SOX5: variants seen among roughly 807,000 people sequenced by gnomAD.
SOX5 encodes the protein SRY-box transcription factor 5.
A neutral mutation model predicts 92.0 loss-of-function variants in SOX5; 9 were observed. The observed-to-expected ratio is 0.10, with a 90% CI of 0.06 to 0.17. The LOEUF is 0.17. SOX5 is among the 10% of genes least tolerant of loss of function. The probability of loss-of-function intolerance (pLI) is 1.00; values close to 1 mark genes in which losing one functional copy is unlikely to be tolerated. For synonymous variants in SOX5, 344 were observed against 336.3 expected, an observed-to-expected ratio of 1.02 and a Z score of -0.25; for missense variants, 642 against 944.5, an observed-to-expected ratio of 0.68 and a Z score of 4.20.
chr12:23,717,121 T>C (rs2092550029), intron 6 of SOX5, among the ~76,000 whole-genome samples: 1 of 152,198 alleles, frequency 6.6e-6, no homozygotes, highest in Non-Finnish European at 1.5e-5. Context: ...ATTGACTTTC[T>C]CCCACAGGAT....
chr12:23,740,175 A>G (rs2093745048), intron 5 of SOX5, among the ~76,000 whole-genome samples: 2 of 152,142 alleles, frequency 1.3e-5, no homozygotes, highest in African/African-American at 4.8e-5. Context: ...CATACCTCCA[A>G]CTGGACAACT....
At chr12:23,839,195 G>A (rs1165205602) in intron 3 of SOX5, among the ~76,000 whole-genome samples, 1 of 151,870 alleles carries the variant, frequency 6.6e-6, no homozygotes, top group Non-Finnish European at 1.5e-5. Context: ...GGTGGGGGAG[G>A]TATCTATCTC....
chr12:24,120,955 T>G (rs1454692522), intron 4 of SOX5, among the ~76,000 whole-genome samples: 1 of 152,178 alleles, frequency 6.6e-6, no homozygotes, highest in Non-Finnish European at 1.5e-5. Flanking sequence ...TTGATGCAGG[T>G]GATCTCCAGA....
chr12:24,360,303 G>A (rs1955398429), intron 2 of SOX5, among the ~76,000 whole-genome samples: 1 of 152,192 alleles, frequency 6.6e-6, no homozygotes, highest in South Asian at 2.1e-4. Context: ...ATTTCAAAAT[G>A]TTATGGAATT....
At chr12:24,557,961 G>A (rs1408085047) in intron 1 of SOX5, among the ~76,000 whole-genome samples, 1 of 152,104 alleles carries the variant, frequency 6.6e-6, no homozygotes, top group Non-Finnish European at 1.5e-5. Context: ...CCTACTGAAT[G>A]TTATCCTTAA....
intron 1 of SOX5, among the ~76,000 whole-genome samples, chr12:24,516,273 C>A (rs1949780904): frequency 2.0e-5 from 3 of 152,054 alleles, no homozygotes. Context: ...GTCTCTGACT[C>A]CTGGCCTCAA....
intron 2 of SOX5, among the ~76,000 whole-genome samples, chr12:23,869,301 T>C (rs895766465): frequency 6.6e-6 from 1 of 152,190 alleles, no homozygotes; most frequent in Non-Finnish European, 1.5e-5. Flanking sequence ...GGTTATATGC[T>C]ACATAATTTT....
intron 6 of SOX5, among the ~76,000 whole-genome samples, chr12:23,708,178 A>G (rs1567126486): frequency 7.2e-6 from 1 of 139,622 alleles, no homozygotes; most frequent in Non-Finnish European, 1.6e-5. Context: ...AAAATCTGGG[A>G]ACTATTTTTT....
intron 6 of SOX5, among the ~76,000 whole-genome samples, chr12:23,716,120 A>G (rs2140456978): frequency 6.6e-6 from 1 of 152,352 alleles, no homozygotes; most frequent in South Asian, 2.1e-4. Flanking sequence ...CATGATGAAA[A>G]GAAATTTTTG....
At chr12:23,945,682 C>A (rs1373408633) in intron 1 of SOX5, among the ~76,000 whole-genome samples, 1 of 152,076 alleles carries the variant, frequency 6.6e-6, no homozygotes, top group African/African-American at 2.4e-5. Context: ...ATTATCAAAG[C>A]CTATGAGAAC....
chr12:23,657,393 C>T (rs1200758021), intron 7 of SOX5, among the ~76,000 whole-genome samples: 5 of 152,108 alleles, frequency 3.3e-5, no homozygotes, highest in African/African-American at 9.7e-5. Flanking sequence ...AAAATCAGGA[C>T]TTTTTAAGTC....
At chr12:23,953,669 G>C (rs1945933405), upstream of SOX5, among the ~76,000 whole-genome samples, 1 of 151,916 alleles carries the variant, frequency 6.6e-6, no homozygotes, top group Non-Finnish European at 1.5e-5. Context: ...AGTGAGAAAA[G>C]TTAAAACAAA....
chr12:24,096,037 C>T (rs775541872), intron 4 of SOX5, among the ~76,000 whole-genome samples: 3 of 152,120 alleles, frequency 2.0e-5, no homozygotes, highest in Non-Finnish European at 4.4e-5. Flanking sequence ...TATTGATTAG[C>T]ACTGAACTGG....
chr12:24,273,663 G>A (rs1276085290), intron 3 of SOX5, among the ~76,000 whole-genome samples: 1 of 151,922 alleles, frequency 6.6e-6, no homozygotes, highest in African/African-American at 2.4e-5. Context: ...CCTCTTTGTT[G>A]TACGACTGTT....
upstream of SOX5, among the ~76,000 whole-genome samples, chr12:23,954,459 AAAAGAAAG>A (rs573961368): frequency 2.5e-4 from 38 of 151,822 alleles, no homozygotes; most frequent in Admixed American, 1.3e-3. Flanking sequence ...CTTTCAAAAA[AAAAGAAAG>A]AAAGAAAGAA....
At chr12:24,154,530 G>A (rs1028001895) in intron 4 of SOX5, among the ~76,000 whole-genome samples, 1 of 152,008 alleles carries the variant, frequency 6.6e-6, no homozygotes, top group African/African-American at 2.4e-5. Flanking sequence ...AGAAAAATTT[G>A]TAAACAAGTT....
At chr12:24,261,714 G>A (rs528996540) in intron 3 of SOX5, among the ~76,000 whole-genome samples, 30 of 152,248 alleles carry the variant, frequency 2.0e-4, no homozygotes, top group Non-Finnish European at 2.5e-4. Flanking sequence ...TGAACTACAC[G>A]GTTTTTTCTG....
chr12:23,705,811 T>G (rs779591112), intron 6 of SOX5, among the ~76,000 whole-genome samples: 1 of 152,076 alleles, frequency 6.6e-6, no homozygotes, highest in Non-Finnish European at 1.5e-5. Context: ...TTTAACTGCA[T>G]GCAGGAAGAA....
intron 4 of SOX5, among the ~76,000 whole-genome samples, chr12:23,958,872 G>A (rs1305324128): frequency 6.6e-6 from 1 of 151,640 alleles, no homozygotes; most frequent in Admixed American, 6.6e-5. Context: ...TTACTGTGGG[G>A]AACAAAAGTA....
Sources: gnomAD v4.1 joint callset for allele counts (sites outside exome capture counted in the v4.1 genomes callset) on GRCh38, gnomAD v4.1.1 for gene constraint, MANE v1.5 for transcripts, NCBI Gene and HGNC (gene_info 2026-07-23, HGNC 2026-07-21) for gene names.